Variants in CCBE1 observed in about 807,000 individuals in gnomAD.
The protein encoded by CCBE1 is collagen and calcium binding EGF domains 1, also known as collagen and calcium-binding EGF domain-containing protein 1.
In CCBE1, 37 loss-of-function variants were observed where a neutral mutation model predicts 50.0. The observed-to-expected ratio is 0.74, with a 90% CI of 0.57 to 0.97. CCBE1 has a LOEUF of 0.97. Ranked by LOEUF, CCBE1 falls within the 50% of genes least tolerant of loss-of-function variation. CCBE1 has a pLI of 0.00. For synonymous variants in CCBE1, 234 were observed against 203.7 expected, an observed-to-expected ratio of 1.15 and a Z score of -1.27; for missense variants, 538 against 523.8, an observed-to-expected ratio of 1.03 and a Z score of -0.26.
intron 2 of CCBE1, among the ~76,000 whole-genome samples, chr18:59,556,494 T>C (rs777104517): frequency 1.3e-5 from 2 of 152,120 alleles, no homozygotes; most frequent in Non-Finnish European, 2.9e-5. Flanking sequence ...TAATTACTTA[T>C]TGAATGTGAT....
At chr18:59,565,555 C>T (rs1262983326) in intron 2 of CCBE1, among the ~76,000 whole-genome samples, 2 of 152,182 alleles carry the variant, frequency 1.3e-5, no homozygotes, top group Non-Finnish European at 2.9e-5. Flanking sequence ...AGTGCCTGAC[C>T]TTAGAATTAG....
intron 2 of CCBE1, among the ~76,000 whole-genome samples, chr18:59,628,452 ATCTT>A (rs1254407057): frequency 2.0e-5 from 3 of 152,144 alleles, no homozygotes; most frequent in Non-Finnish European, 4.4e-5. Flanking sequence ...GAAAAAATCT[ATCTT>A]AATGCTCTTC....
chr18:59,453,001 G>T (rs1162048460), intron 6 of CCBE1, among the ~76,000 whole-genome samples: 1 of 152,176 alleles, frequency 6.6e-6, no homozygotes, highest in African/African-American at 2.4e-5. Context: ...CTTTGAGGGT[G>T]ACAAGTATTT....
chr18:59,447,283 T>C (rs1910719541), intron 7 of CCBE1, among the ~76,000 whole-genome samples: 1 of 151,896 alleles, frequency 6.6e-6, no homozygotes, highest in Non-Finnish European at 1.5e-5. Context: ...AAAACTACAG[T>C]GAAAGAAAGC....
Position 59,439,744 on chromosome 18 carries a change from C to T in CCBE1, c.848G>A (p.Gly283Asp). The change falls in exon 8 of 11, where the codon GGC (glycine) becomes GAC (aspartate). Residue 283 changes from glycine (G) to aspartate (D), a missense_variant. Physicochemically the swap from Gly to Asp is moderately conservative, Grantham distance 94 (BLOSUM62 -1). Coordinates refer to ENST00000439986, the MANE Select transcript of CCBE1 (RefSeq NM_133459.4). ...PGPPGQPGPRGSMGPMGPSPD... is the reference protein window; with the variant it reads ...PGPPGQPGPRDSMGPMGPSPD... ...AGATGGTCCCATGGGTCCCATTGAG[C>T]CCCGTGGGCCGGGCTGCCCAGGAGG... The T allele has an allele frequency of 6.2e-7, 1 of 1,614,218 alleles. No homozygotes were observed. The highest frequency in any genetic ancestry group is 8.5e-7 in the Non-Finnish European group (1 of 1,180,010).
chr18:59,481,400 AAT>A (rs1912563925), intron 2 of CCBE1, among the ~76,000 whole-genome samples: 1 of 152,124 alleles, frequency 6.6e-6, no homozygotes, highest in Non-Finnish European at 1.5e-5. Flanking sequence ...GGAGCAGAAA[AAT>A]ATATTTGAAA....
intron 2 of CCBE1, among the ~76,000 whole-genome samples, chr18:59,543,897 G>A (rs1022232340): frequency 1.3e-5 from 2 of 151,108 alleles, no homozygotes; most frequent in South Asian, 4.2e-4. Context: ...GCAATGAGAG[G>A]GACACTCGCA....
At chr18:59,643,444 A>G (rs1409958466) in intron 2 of CCBE1, among the ~76,000 whole-genome samples, 1 of 152,204 alleles carries the variant, frequency 6.6e-6, no homozygotes, top group Non-Finnish European at 1.5e-5. Flanking sequence ...TGCAGGTCCT[A>G]ACATCTGGGA....
intron 2 of CCBE1, among the ~76,000 whole-genome samples, chr18:59,587,466 G>T (rs1166101231): frequency 6.6e-6 from 1 of 152,298 alleles, no homozygotes; most frequent in South Asian, 2.1e-4. Flanking sequence ...ACCAAACCAG[G>T]AATAGAAGAG....
In CCBE1 at chr18:59,564,642, G is replaced by A. The variant is rs145377540; in HGVS notation, c.213-84404C>T. The stretch of plus-strand genomic sequence containing the variant: ...CTATTTTATGAAGTCTTTGGGATTC[G>A]TGTGAAACATCTATGTCTTTCATAG... On this transcript the variant is annotated intron_variant, in intron 2 of 10. Transcript: ENST00000439986. Among the ~76,000 whole-genome samples the A allele has an allele frequency of 1.8e-4, 28 of 152,304 alleles. No homozygotes were observed. The East Asian group carries it at 5.0e-3, about 27-fold the overall frequency.
At chr18:59,583,941 G>T (rs7237609) in intron 2 of CCBE1, among the ~76,000 whole-genome samples, 51,526 of 151,856 alleles carry the variant, frequency 0.34, 9,276 homozygotes, top group East Asian at 0.61. Flanking sequence ...AGTCAGTGTG[G>T]CGATTCCTCA....
rs535873849 is a variant in CCBE1, at chr18:59,695,873, T to C, written c.212+756A>G. On this transcript the variant is annotated intron_variant, in intron 2 of 10. Coordinates refer to ENST00000439986, the MANE Select transcript of CCBE1 (RefSeq NM_133459.4). Reference sequence around the variant, plus strand: ...ACGTTTATGGGTGCATGTTCCCCTATCCAGTGAGAGCACTGGAACAGAACC... The same window carrying C: ...ACGTTTATGGGTGCATGTTCCCCTACCCAGTGAGAGCACTGGAACAGAACC... 3.3e-5 allele frequency among the ~76,000 whole-genome samples: 5 copies of C among 152,142 alleles called. No homozygotes were observed. The South Asian group carries it at 1.0e-3, about 32-fold the overall frequency.
chr18:59,481,305 TAAA>T (rs1202296483), intron 2 of CCBE1, among the ~76,000 whole-genome samples: 1 of 147,928 alleles, frequency 6.8e-6, no homozygotes, highest in Non-Finnish European at 1.5e-5. Flanking sequence ...AAAAAAGACT[TAAA>T]AAAAGGAACA....
At chr18:59,508,185 C>A (rs1913969348) in intron 2 of CCBE1, among the ~76,000 whole-genome samples, 1 of 152,058 alleles carries the variant, frequency 6.6e-6, no homozygotes, top group Non-Finnish European at 1.5e-5. Flanking sequence ...GCCACTGCGC[C>A]CCGCCGTTAA....
At chr18:59,499,608 C>G (rs117202358) in intron 2 of CCBE1, among the ~76,000 whole-genome samples, 1 of 152,056 alleles carries the variant, frequency 6.6e-6, no homozygotes, top group Non-Finnish European at 1.5e-5. Context: ...TCCTGTGAGA[C>G]GTATTCACTA....
chr18:59,674,725 G>A (rs191365939), intron 2 of CCBE1, among the ~76,000 whole-genome samples: 1 of 152,286 alleles, frequency 6.6e-6, no homozygotes, highest in Admixed American at 6.5e-5. Context: ...GGAAAATTTA[G>A]CAAGCACAAT....
chr18:59,598,734 C>G (rs1452076915), intron 2 of CCBE1, among the ~76,000 whole-genome samples: 1 of 152,142 alleles, frequency 6.6e-6, no homozygotes, highest in East Asian at 1.9e-4. Flanking sequence ...TTCCCCTGAC[C>G]CAAGTGAGCA....
intron 2 of CCBE1, among the ~76,000 whole-genome samples, chr18:59,666,541 G>C (rs1362648590): frequency 6.6e-6 from 1 of 152,104 alleles, no homozygotes; most frequent in African/African-American, 2.4e-5. Context: ...TGTGGAAACT[G>C]CTGTATCAAC....
At chr18:59,496,590 A>G (rs1913367559) in intron 2 of CCBE1, among the ~76,000 whole-genome samples, 2 of 152,198 alleles carry the variant, frequency 1.3e-5, no homozygotes, top group South Asian at 2.1e-4. Context: ...TGACAGATCC[A>G]TCACCTTTAC....
Sources: allele counts gnomAD v4.1 joint callset (sites outside exome capture counted in the v4.1 genomes callset), GRCh38; gene constraint gnomAD v4.1.1; transcripts MANE v1.5; gene names NCBI Gene and HGNC (gene_info 2026-07-23, HGNC 2026-07-21).